VPS13B: variants seen among roughly 807,000 people sequenced by gnomAD.
VPS13B encodes vacuolar protein sorting 13 homolog B, also known as intermembrane lipid transfer protein VPS13B.
A neutral mutation model predicts 426.4 loss-of-function variants in VPS13B; 285 were observed. The ratio of observed to expected loss-of-function variants is 0.67; its 90% CI spans 0.61 to 0.74. The LOEUF is 0.74. Ranked by LOEUF, VPS13B falls within the 30% of genes least tolerant of loss-of-function variation. VPS13B has a pLI of 0.00. For synonymous variants in VPS13B, 1,676 were observed against 1,676.4 expected, an observed-to-expected ratio of 1.00 and a Z score of 0.01; for missense variants, 4,537 against 4,782.6, an observed-to-expected ratio of 0.95 and a Z score of 1.51.
intron 21 of VPS13B, among the ~76,000 whole-genome samples, chr8:99,403,837 A>G (rs970719075): frequency 2.0e-5 from 3 of 152,224 alleles, no homozygotes; most frequent in Non-Finnish European, 4.4e-5. Context: ...TTTAAAACAC[A>G]TTACTGTTTT....
chr8:99,134,542 G>A, intron 8 of VPS13B, 90 bp from the exon 9 acceptor site: 1 of 1,007,154 alleles, frequency 9.9e-7, no homozygotes, highest in Non-Finnish European at 1.5e-6. Flanking sequence ...TCTTAAAATT[G>A]GCCTTGTTTT....
At chr8:99,501,664 AT>A (rs747966427) in intron 25 of VPS13B, 22 bp from the exon 26 acceptor site, 14 of 1,603,850 alleles carry the variant, frequency 8.7e-6, no homozygotes, top group South Asian at 3.3e-5. Context: ...ACAAAGTAAG[AT>A]TTTTTTTTCT....
chr8:99,862,086 T>C, intron 58 of VPS13B, 140 bp downstream of exon 58: 2 of 1,023,842 alleles, frequency 2.0e-6, no homozygotes, highest in Admixed American at 2.6e-5. Flanking sequence ...CTCTGAGTTC[T>C]ACAGTGCGTC....
chr8:99,110,679 G>GT (rs575427624), intron 5 of VPS13B, among the ~76,000 whole-genome samples: 239 of 151,660 alleles, frequency 1.6e-3, no homozygotes, highest in African/African-American at 5.3e-3. Flanking sequence ...GTAGCAGTGA[G>GT]TTTTTTTTAA....
chr8:99,152,106 T>C (rs1056141465), intron 14 of VPS13B, among the ~76,000 whole-genome samples: 2 of 152,202 alleles, frequency 1.3e-5, no homozygotes, highest in Admixed American at 6.5e-5. Flanking sequence ...GCTTAGGTGA[T>C]TGATTTTAGA....
At chr8:99,294,536 A>G (rs916168602) in intron 19 of VPS13B, among the ~76,000 whole-genome samples, 7 of 151,586 alleles carry the variant, frequency 4.6e-5, no homozygotes, top group African/African-American at 1.5e-4. Flanking sequence ...AACTTAAAGT[A>G]TAATAAAAAT....
At chr8:99,311,340 G>A (rs550053037) in intron 19 of VPS13B, among the ~76,000 whole-genome samples, 2 of 152,196 alleles carry the variant, frequency 1.3e-5, no homozygotes, top group South Asian at 4.2e-4. Context: ...CACTGCTTCA[G>A]ATGTGTCCCA....
At chr8:99,864,586 C>A (rs1817000287) in intron 58 of VPS13B, among the ~76,000 whole-genome samples, 1 of 152,054 alleles carries the variant, frequency 6.6e-6, no homozygotes, top group African/African-American at 2.4e-5. Context: ...TAGTTTTAAA[C>A]CCATGCCAGT....
intron 23 of VPS13B, among the ~76,000 whole-genome samples, chr8:99,444,232 G>A (rs1161535007): frequency 6.6e-6 from 1 of 151,864 alleles, no homozygotes; most frequent in Non-Finnish European, 1.5e-5. Context: ...CCGAGCAGCT[G>A]GGACTACAGG....
intron 39 of VPS13B, among the ~76,000 whole-genome samples, chr8:99,741,447 T>C (rs1046022168): frequency 6.6e-6 from 1 of 152,162 alleles, no homozygotes; most frequent in Non-Finnish European, 1.5e-5. Flanking sequence ...TATCCAGGAA[T>C]TGAACTCAGC....
intron 33 of VPS13B, among the ~76,000 whole-genome samples, chr8:99,639,033 A>G (rs1829190174): frequency 6.6e-6 from 1 of 152,162 alleles, no homozygotes; most frequent in Non-Finnish European, 1.5e-5. Flanking sequence ...ATTGTTGGAT[A>G]TTTACTGTAA....
chr8:99,320,809 A>G (rs1317446190), intron 19 of VPS13B, among the ~76,000 whole-genome samples: 7 of 152,198 alleles, frequency 4.6e-5, no homozygotes, highest in Admixed American at 3.3e-4. Flanking sequence ...TGATATTCAC[A>G]GTGTGAACAA....
chr8:99,318,433 A>C (rs918265029), intron 19 of VPS13B, among the ~76,000 whole-genome samples: 1 of 152,128 alleles, frequency 6.6e-6, no homozygotes, highest in African/African-American at 2.4e-5. Flanking sequence ...TTTAAGACAA[A>C]GAAAAGAATA....
chr8:99,542,701 T>A (rs1823690453), intron 30 of VPS13B, among the ~76,000 whole-genome samples: 1 of 152,134 alleles, frequency 6.6e-6, no homozygotes. Context: ...TTTGGGAGAA[T>A]TAATTACAGT....
intron 35 of VPS13B, among the ~76,000 whole-genome samples, chr8:99,682,223 G>A (rs1411963205): frequency 6.6e-6 from 1 of 152,138 alleles, no homozygotes; most frequent in Non-Finnish European, 1.5e-5. Context: ...CCAGCAATTT[G>A]GGAGGCCAAG....
intron 33 of VPS13B, among the ~76,000 whole-genome samples, chr8:99,578,942 C>T (rs1825907112): frequency 6.6e-6 from 1 of 152,092 alleles, no homozygotes; most frequent in Non-Finnish European, 1.5e-5. Context: ...ACTATCCTTC[C>T]CTGAATGTTG....
intron 28 of VPS13B, among the ~76,000 whole-genome samples, chr8:99,509,993 A>G (rs914754785): frequency 1.3e-5 from 2 of 152,222 alleles, no homozygotes; most frequent in Admixed American, 1.3e-4. Flanking sequence ...AGTTTTAACA[A>G]AAATATTGAA....
At chr8:99,141,536 AG>A (rs1334983669) in intron 12 of VPS13B, among the ~76,000 whole-genome samples, 1 of 152,172 alleles carries the variant, frequency 6.6e-6, no homozygotes, top group Non-Finnish European at 1.5e-5. Flanking sequence ...AGCTATGAAA[AG>A]TAATGGTTTT....
intron 19 of VPS13B, among the ~76,000 whole-genome samples, chr8:99,326,680 T>G (rs1810297733): frequency 6.6e-6 from 1 of 151,908 alleles, no homozygotes; most frequent in Non-Finnish European, 1.5e-5. Context: ...ATTATAGACA[T>G]GAACCACCAT....
Sources: allele counts gnomAD v4.1 joint callset (sites outside exome capture counted in the v4.1 genomes callset), GRCh38; gene constraint gnomAD v4.1.1; transcripts MANE v1.5; gene names NCBI Gene and HGNC (gene_info 2026-07-23, HGNC 2026-07-21).